Variants in ANGPT1 observed in about 807,000 individuals in gnomAD.
The protein encoded by ANGPT1 is angiopoietin-1.
In ANGPT1, 17 loss-of-function variants were observed where a neutral mutation model predicts 62.2. The observed-to-expected ratio is 0.27, with a 90% CI of 0.19 to 0.41. ANGPT1 has a LOEUF of 0.41. ANGPT1 is among the 10% of genes least tolerant of loss of function. ANGPT1 has a pLI of 1.00. For missense variants in ANGPT1, 478 were observed against 594.9 expected, an observed-to-expected ratio of 0.80 and a Z score of 2.04; for synonymous variants, 199 against 198.9, an observed-to-expected ratio of 1.00 and a Z score of 0.00.
intron 7 of ANGPT1, among the ~76,000 whole-genome samples, chr8:107,274,615 A>G (rs1395332866): frequency 6.6e-6 from 1 of 152,176 alleles, no homozygotes; most frequent in Non-Finnish European, 1.5e-5. Context: ...AGGGAACTTA[A>G]GGACATGATA....
At chr8:107,430,802 T>C (rs1046925582) in intron 1 of ANGPT1, among the ~76,000 whole-genome samples, 1 of 152,228 alleles carries the variant, frequency 6.6e-6, no homozygotes, top group East Asian at 1.9e-4. Context: ...CAACTTTGCC[T>C]ACACCTTGGT....
chr8:107,301,577 C>A (rs1222989380), intron 5 of ANGPT1, among the ~76,000 whole-genome samples: 1 of 151,822 alleles, frequency 6.6e-6, no homozygotes, highest in East Asian at 1.9e-4. Flanking sequence ...CATTTGTTTG[C>A]TTCTTTAAGC....
intron 1 of ANGPT1, among the ~76,000 whole-genome samples, chr8:107,488,347 A>G (rs1812868727): frequency 6.6e-6 from 1 of 152,148 alleles, no homozygotes; most frequent in Non-Finnish European, 1.5e-5. Context: ...TCTTGCAGCT[A>G]TTTTGAAACT....
chr8:107,369,212 T>C (rs1053855815), intron 1 of ANGPT1, among the ~76,000 whole-genome samples: 8 of 152,184 alleles, frequency 5.3e-5, no homozygotes, highest in Admixed American at 3.3e-4. Flanking sequence ...CCTTTTATGT[T>C]ATGAAAATGG....
At chr8:107,478,063 G>GT (rs146651787) in intron 1 of ANGPT1, among the ~76,000 whole-genome samples, 30,814 of 143,586 alleles carry the variant, frequency 0.21, 4,074 homozygotes, top group African/African-American at 0.39. Context: ...TATTTCTCCT[G>GT]TTTTTTTTTT....
intron 1 of ANGPT1, among the ~76,000 whole-genome samples, chr8:107,422,913 C>T (rs1239186411): frequency 6.6e-6 from 1 of 152,104 alleles, no homozygotes; most frequent in Non-Finnish European, 1.5e-5. Flanking sequence ...TAAACATTTT[C>T]GCAGAGAAAT....
At chr8:107,255,385 TA>T (rs995500201) in intron 8 of ANGPT1, among the ~76,000 whole-genome samples, 9 of 152,038 alleles carry the variant, frequency 5.9e-5, no homozygotes, top group African/African-American at 2.2e-4. Flanking sequence ...AATATAGGGC[TA>T]AAAAATAAAC....
At chr8:107,266,943 GAAGA>G in intron 7 of ANGPT1, among the ~76,000 whole-genome samples, 1 of 152,104 alleles carries the variant, frequency 6.6e-6, no homozygotes, top group Non-Finnish European at 1.5e-5. Flanking sequence ...AAAGCAAAAA[GAAGA>G]AATAAAAATC....
chr8:107,412,412 G>C lies in ANGPT1; in HGVS notation c.298-65315C>G, dbSNP rs180970601. Among the ~76,000 whole-genome samples the C allele has an allele frequency of 5.7e-4, 87 of 152,112 alleles. 1 individual carries two copies. The highest frequency in any genetic ancestry group is 2.0e-3 in the Admixed American group (31 of 15,260). On this transcript the variant is annotated intron_variant, in intron 1 of 8. Coordinates refer to ENST00000517746, the MANE Select transcript of ANGPT1 (RefSeq NM_001146.5). The stretch of plus-strand genomic sequence containing the variant: ...CAGGGATCCATTAGAAATAAATAAA[G>C]GGATAATGGATTCAGGGTAGGCAAT...
intron 1 of ANGPT1, among the ~76,000 whole-genome samples, chr8:107,374,039 A>G (rs1486243172): frequency 6.6e-6 from 1 of 152,216 alleles, no homozygotes; most frequent in Non-Finnish European, 1.5e-5. Flanking sequence ...TGCTCTAAGA[A>G]TATTGACCTT....
chr8:107,278,130 C>T (rs1813908681), intron 7 of ANGPT1, among the ~76,000 whole-genome samples: 1 of 151,194 alleles, frequency 6.6e-6, no homozygotes, highest in Non-Finnish European at 1.5e-5. Flanking sequence ...GGCTTGAATG[C>T]AGCAGTGCAA....
chr8:107,251,875 T>C lies in ANGPT1; in HGVS notation c.1477A>G (p.Ile493Val). 1.9e-6 allele frequency: 3 copies of C among 1,613,924 alleles called. No homozygotes were observed. Among genetic ancestry groups the C allele is most frequent in the Middle Eastern group, 1.6e-4 (1 of 6,062 alleles). Residue 493 changes from isoleucine to valine, a missense_variant, in exon 9 of 9, where the codon ATT becomes GTT. Physicochemically the swap from Ile to Val is conservative, Grantham distance 29. This residue lies in a region of ANGPT1 where 35 missense variants were observed against 49.6 expected (regional missense o/e 0.71). Transcript: ENST00000517746. ...CGCTTTCAAAAATCTAAAGGTCGAA[T>C]CATCATAGTTGTGGAACGTAAGGAG... ...SYSLRSTTMM[I>V]RPLDF is the part of the protein sequence containing the mutation.
intron 1 of ANGPT1, among the ~76,000 whole-genome samples, chr8:107,356,795 A>G (rs564910733): frequency 6.6e-6 from 1 of 152,322 alleles, no homozygotes; most frequent in Non-Finnish European, 1.5e-5. Flanking sequence ...ACAGCATACC[A>G]TTAATGCCAT....
At chr8:107,313,445 T>TG (rs1287226180) in intron 4 of ANGPT1, among the ~76,000 whole-genome samples, 16 of 129,822 alleles carry the variant, frequency 1.2e-4, no homozygotes, top group East Asian at 8.9e-4. Context: ...TTTTTTTTTT[T>TG]TTTTTTTTTT....
chr8:107,383,914 C>A (rs935472100), intron 1 of ANGPT1, among the ~76,000 whole-genome samples: 2 of 152,100 alleles, frequency 1.3e-5, no homozygotes, highest in African/African-American at 4.8e-5. Flanking sequence ...AGTACCTCAC[C>A]TTTCTGTAAT....
At chr8:107,315,748 C>G (rs899790355) in intron 4 of ANGPT1, among the ~76,000 whole-genome samples, 2 of 152,026 alleles carry the variant, frequency 1.3e-5, no homozygotes, top group Admixed American at 1.3e-4. Flanking sequence ...TAAATGCTCT[C>G]AAATTGTACA....
At chr8:107,473,644 C>T (rs1000556626) in intron 1 of ANGPT1, among the ~76,000 whole-genome samples, 1 of 151,996 alleles carries the variant, frequency 6.6e-6, no homozygotes, top group Non-Finnish European at 1.5e-5. Flanking sequence ...AAGGATCAAA[C>T]AGACTTAAAA....
At chr8:107,415,565 T>C (rs976546105) in intron 1 of ANGPT1, among the ~76,000 whole-genome samples, 1 of 152,206 alleles carries the variant, frequency 6.6e-6, no homozygotes, top group African/African-American at 2.4e-5. Context: ...GTATCTCTTA[T>C]ATCCTGTTAC....
intron 1 of ANGPT1, among the ~76,000 whole-genome samples, chr8:107,391,646 G>A (rs879314661): frequency 3.9e-5 from 6 of 152,050 alleles, no homozygotes; most frequent in East Asian, 1.9e-4. Context: ...CAGCCTGGGC[G>A]ACACAGTAAG....
Sources: allele counts gnomAD v4.1 joint callset (sites outside exome capture counted in the v4.1 genomes callset), GRCh38; gene constraint gnomAD v4.1.1; regional missense constraint gnomAD v4.1.1; transcripts MANE v1.5; gene names NCBI Gene and HGNC (gene_info 2026-07-23, HGNC 2026-07-21).